Variants in CACNG4 observed in about 807,000 individuals in gnomAD.
CACNG4 encodes the protein voltage-dependent calcium channel gamma-4 subunit.
A neutral mutation model predicts 22.9 loss-of-function variants in CACNG4; 8 were observed. The observed-to-expected ratio is 0.35, with a 90% CI of 0.21 to 0.63. The LOEUF is 0.63. Among genes scored for constraint, CACNG4 ranks in the 30% least tolerant of loss-of-function variants. CACNG4 has a pLI of 0.72. For synonymous variants in CACNG4, 188 were observed against 191.9 expected (o/e 0.98, Z 0.17); for missense variants, 357 against 455.4 (o/e 0.78, Z 1.97).
intron 1 of CACNG4, among the ~76,000 whole-genome samples, chr17:67,015,599 T>G (rs2035492535): frequency 6.6e-6 from 1 of 152,168 alleles, no homozygotes; most frequent in Non-Finnish European, 1.5e-5. Context: ...AAGACAAGTG[T>G]AATTTTTTTT....
intron 1 of CACNG4, among the ~76,000 whole-genome samples, chr17:67,003,753 A>T (rs1342488220): frequency 6.6e-6 from 1 of 152,160 alleles, no homozygotes; most frequent in African/African-American, 2.4e-5. Flanking sequence ...CCTGTAGAGA[A>T]CCTTGCACTA....
rs113416821 is a variant in CACNG4 at position 66,986,146 on chromosome 17, A to G, written c.220+21015A>G. 5.7e-3 allele frequency among the ~76,000 whole-genome samples: 868 copies of G among 152,326 alleles called. 6 individuals are homozygous for G. Among genetic ancestry groups the G allele is most frequent in the African/African-American group, 0.02 (832 of 41,578 alleles). Reference sequence around the variant, plus strand: ...GAAATCTGGTACTATCGAAACAGAAAGCCTCTTATGAGAGGAGGCCAGAAG... The same window carrying G: ...GAAATCTGGTACTATCGAAACAGAAGGCCTCTTATGAGAGGAGGCCAGAAG... On this transcript the variant is annotated intron_variant, in intron 1 of 3. Transcript: ENST00000262138.
At chr17:66,992,896 T>G (rs374490570) in intron 1 of CACNG4, among the ~76,000 whole-genome samples, 12 of 152,264 alleles carry the variant, frequency 7.9e-5, no homozygotes, top group East Asian at 3.9e-4. Flanking sequence ...CTGCCCTCGT[T>G]TGGGCCATAC....
intron 1 of CACNG4, among the ~76,000 whole-genome samples, chr17:66,994,416 G>A (rs1356675000): frequency 6.6e-6 from 1 of 152,064 alleles, no homozygotes; most frequent in African/African-American, 2.4e-5. Context: ...AGGACCTCGC[G>A]TGTTTGCCTT....
At position 67,024,990 on chromosome 17, in the gene CACNG4, C is replaced by T. The variant is rs199794639; in HGVS notation, c.435C>T (p.Phe145=). The T allele has an allele frequency of 1.4e-4, 219 of 1,594,566 alleles. No individual in the cohort carries two copies. Among genetic ancestry groups the T allele is most frequent in the African/African-American group, 1.6e-4 (12 of 74,326 alleles). Residue 145 remains phenylalanine (F), a synonymous_variant, in exon 3 of 4, where the codon TTC becomes TTT. Transcript: ENST00000262138. The part of the protein sequence containing the change: ...NNIVLSAGIL[F]VAAGLSNIIG... ...TCGTCCTCAGTGCCGGCATCCTCTTCGTGGCTGCAGGTGAGCCGCCCGCCC... is the reference window on the plus strand; with the variant it reads ...TCGTCCTCAGTGCCGGCATCCTCTTTGTGGCTGCAGGTGAGCCGCCCGCCC...
chr17:66,998,937 C>T (rs2035391085), intron 1 of CACNG4, among the ~76,000 whole-genome samples: 1 of 152,200 alleles, frequency 6.6e-6, no homozygotes, highest in Non-Finnish European at 1.5e-5. Context: ...ACCATTTGGG[C>T]TAGGCCTCCC....
At position 67,032,286 on chromosome 17, in the gene CACNG4, C is replaced by G. The variant is rs1567762086; in HGVS notation, c.*1282C>G. 9.2e-6 allele frequency: 3 copies of G among 324,396 alleles called. No individual in the cohort carries two copies. Among genetic ancestry groups the G allele is most frequent in the Admixed American group, 9.1e-5 (2 of 22,040 alleles). The allele number at this position is 324,396 out of a possible 1,614,324, so 20.1% of individuals were successfully genotyped here. On this transcript the variant is annotated 3_prime_UTR_variant, in exon 4 of 4. Transcript: ENST00000262138. ...TTTTTCCAGCCATTCTTTTCTTCCC[C>G]CTCCTGAAGCAAGCAAAGAGCGTGG...
rs1293154972 is a variant in CACNG4 at position 67,030,393 on chromosome 17, C to T, written c.446-73C>T. ...GTGTCCACCTGTTCCCTACACTGCC[C>T]GTCCCACTGTGGGTCTAACCTCTGC... On this transcript the variant is annotated intron_variant, in intron 3 of 3. Transcript: ENST00000262138. The surrounding 1 kb of genome is among the most constrained non-coding windows in gnomAD (Gnocchi z 6.4). The T allele has an allele frequency of 7.6e-6, 10 of 1,317,958 alleles. No homozygotes were observed. In the African/African-American group the frequency reaches 8.8e-5, roughly 12 times the overall value. The allele number at this position is 1,317,958 out of a possible 1,614,324, so 81.6% of individuals were successfully genotyped here. A position where few individuals can be genotyped will look rare whatever the true frequency, so the allele number is the denominator to read the frequency against.
intron 1 of CACNG4, among the ~76,000 whole-genome samples, chr17:66,965,843 T>G (rs1433080501): frequency 2.6e-5 from 4 of 151,862 alleles, no homozygotes; most frequent in Non-Finnish European, 5.9e-5. Flanking sequence ...CGCTCCTCGC[T>G]GTGCGGTGGG....
intron 1 of CACNG4, 56 bp from the exon 2 acceptor site, chr17:67,018,133 C>T (rs2035511329): frequency 4.9e-5 from 65 of 1,326,370 alleles, no homozygotes; most frequent in Admixed American, 6.7e-5. Flanking sequence ...CTGGAGTGAA[C>T]GGATGAGTGA....
intron 1 of CACNG4, among the ~76,000 whole-genome samples, chr17:66,987,552 A>G (rs979244135): frequency 6.6e-6 from 1 of 152,202 alleles, no homozygotes; most frequent in Non-Finnish European, 1.5e-5. Context: ...GAAGCCAAAC[A>G]GGAGAAGCAT....
At chr17:66,993,741 G>A (rs1161548504) in intron 1 of CACNG4, among the ~76,000 whole-genome samples, 2 of 152,172 alleles carry the variant, frequency 1.3e-5, no homozygotes, top group African/African-American at 2.4e-5. Flanking sequence ...AAGTAGCTGG[G>A]ACTACAGGCA....
chr17:66,989,458 G>T (rs905559635), intron 1 of CACNG4, among the ~76,000 whole-genome samples: 1 of 151,460 alleles, frequency 6.6e-6, no homozygotes, highest in African/African-American at 2.4e-5. Flanking sequence ...AGAAAAGCAT[G>T]GGGCAGATCC....
chr17:66,966,844 T>G (rs1458706995), intron 1 of CACNG4, among the ~76,000 whole-genome samples: 1 of 152,162 alleles, frequency 6.6e-6, no homozygotes, highest in East Asian at 1.9e-4. Flanking sequence ...AAACATCATT[T>G]TTAGTGTGCA....
chr17:67,030,603 G>A lies in CACNG4; in HGVS notation c.583G>A (p.Ala195Thr). ...FYFGALSFIVAETVGVLAVNI... is the reference protein window; with the variant it reads ...FYFGALSFIVTETVGVLAVNI... Reference sequence around the variant, plus strand: ...CTTTGGAGCTCTGTCTTTCATTGTGGCTGAGACCGTGGGCGTCCTGGCTGT... The same window carrying A: ...CTTTGGAGCTCTGTCTTTCATTGTGACTGAGACCGTGGGCGTCCTGGCTGT... Residue 195 changes from alanine to threonine, a missense_variant, in exon 4 of 4, where the codon GCT becomes ACT. This residue lies in a region of CACNG4 where 240 missense variants were observed against 277.6 expected (regional missense o/e 0.86). Coordinates refer to ENST00000262138, the MANE Select transcript of CACNG4 (RefSeq NM_014405.4). The surrounding 1 kb of genome is among the most constrained non-coding windows in gnomAD (Gnocchi z 6.4). 6.2e-7 allele frequency: 1 copy of A among 1,614,204 alleles called. No individual in the cohort carries two copies. The highest frequency in any genetic ancestry group is 8.5e-7 in the Non-Finnish European group (1 of 1,180,042).
rs1055325192 is a variant in CACNG4 at position 67,031,194 on chromosome 17, A to G, written c.*190A>G. 9.2e-6 allele frequency: 6 copies of G among 653,154 alleles called. No individual in the cohort carries two copies. Among genetic ancestry groups the G allele is most frequent in the Non-Finnish European group, 1.6e-5 (6 of 374,608 alleles). 40.5% of individuals were successfully genotyped at this position (653,154 alleles called of 1,614,324 possible). On this transcript the variant is annotated 3_prime_UTR_variant, in exon 4 of 4. Transcript: ENST00000262138. This position sits in a 1 kb window ranked among gnomAD's most constrained non-coding sequence, Gnocchi z 4.0. Reference sequence around the variant, plus strand: ...GGGAGACCGGACCCGGGGCTGCAGAAGAAGCTGAAGGCTGACTTTGTCCCC... The same window carrying G: ...GGGAGACCGGACCCGGGGCTGCAGAGGAAGCTGAAGGCTGACTTTGTCCCC...
At chr17:66,966,955 G>GC (rs957393755) in intron 1 of CACNG4, among the ~76,000 whole-genome samples, 2 of 152,230 alleles carry the variant, frequency 1.3e-5, no homozygotes, top group Non-Finnish European at 1.5e-5. Flanking sequence ...GGGCTGCAAT[G>GC]CCCCATATTC....
At position 66,976,127 on chromosome 17, in the gene CACNG4, T is replaced by TCAGGGC. The variant is rs1449092891; in HGVS notation, c.220+11008_220+11013dup. On this transcript the variant is annotated intron_variant, in intron 1 of 3. Transcript: ENST00000262138. ...CCGCGTCAGGTGACCTCCCAGTGTC[T>TCAGGGC]CAGGGCCAGGGCCAGGGTAGAGGAG... Among the ~76,000 whole-genome samples the TCAGGGC allele has an allele frequency of 9.2e-5, 14 of 152,212 alleles. No individual in the cohort carries two copies. The South Asian group carries it at 2.1e-3, about 23-fold the overall frequency.
chr17:67,026,871 C>T (rs1332031032), intron 3 of CACNG4, among the ~76,000 whole-genome samples: 1 of 150,808 alleles, frequency 6.6e-6, no homozygotes, highest in Admixed American at 6.6e-5. Flanking sequence ...TGGACAGGTC[C>T]CCCCGCCCTT....
Sources: allele counts gnomAD v4.1 joint callset (sites outside exome capture counted in the v4.1 genomes callset), GRCh38; gene constraint gnomAD v4.1.1; regional missense constraint gnomAD v4.1.1; non-coding constraint Gnocchi (gnomAD v3.1); transcripts MANE v1.5; gene names NCBI Gene and HGNC (gene_info 2026-07-23, HGNC 2026-07-21).